The following NRG1 variants were observed in gnomAD, a reference collection of about 807,000 sequenced individuals.
The protein encoded by NRG1 is pro-neuregulin-1, membrane-bound isoform.
In NRG1, 18 loss-of-function variants were observed where a neutral mutation model predicts 63.8. The ratio of observed to expected loss-of-function variants is 0.28; its 90% CI spans 0.19 to 0.42. The LOEUF is 0.42. NRG1 is among the 10% of genes least tolerant of loss of function. The pLI, the probability that NRG1 is intolerant of heterozygous loss-of-function variation, is 1.00. For synonymous variants in NRG1, 302 were observed against 301.3 expected, an observed-to-expected ratio of 1.00 and a Z score of -0.02; for missense variants, 762 against 814.7, an observed-to-expected ratio of 0.94 and a Z score of 0.79.
chr8:32,305,942 AT>A (rs1373497679), intron 1 of NRG1, among the ~76,000 whole-genome samples: 1 of 152,186 alleles, frequency 6.6e-6, no homozygotes, highest in Non-Finnish European at 1.5e-5. Flanking sequence ...TTGGCAAATT[AT>A]TTTACTTCTC....
intron 1 of NRG1, among the ~76,000 whole-genome samples, chr8:31,695,743 C>A (rs1235966674): frequency 6.6e-6 from 1 of 152,180 alleles, no homozygotes; most frequent in Admixed American, 6.5e-5. Flanking sequence ...ACTATTTTAT[C>A]TTCCTTAAAG....
chr8:32,529,540 C>T (rs1235070092), intron 1 of NRG1, among the ~76,000 whole-genome samples: 2 of 152,154 alleles, frequency 1.3e-5, no homozygotes, highest in African/African-American at 4.8e-5. Flanking sequence ...AACACAGACA[C>T]ATTGTACAGC....
At chr8:32,335,547 A>G (rs1803159030) in intron 1 of NRG1, among the ~76,000 whole-genome samples, 1 of 152,198 alleles carries the variant, frequency 6.6e-6, no homozygotes, top group Non-Finnish European at 1.5e-5. Flanking sequence ...CCTGAAGGCC[A>G]CAAAGAAGAC....
At chr8:32,139,468 A>G (rs533340072) in intron 1 of NRG1, 4 of 152,314 alleles carry the variant, frequency 2.6e-5, no homozygotes, top group Admixed American at 6.5e-5. Flanking sequence ...ATAAAATGAG[A>G]TATTAGGAAC....
At chr8:32,226,881 G>A (rs894267513) in intron 1 of NRG1, among the ~76,000 whole-genome samples, 1 of 152,146 alleles carries the variant, frequency 6.6e-6, no homozygotes, top group Non-Finnish European at 1.5e-5. Context: ...CAATAACTCA[G>A]CTCACTGCTG....
chr8:31,764,734 C>A (rs1419984430), intron 1 of NRG1, among the ~76,000 whole-genome samples: 2 of 152,014 alleles, frequency 1.3e-5, no homozygotes, highest in Non-Finnish European at 2.9e-5. Context: ...TTACTTACAT[C>A]TTCTTTGATT....
At chr8:32,221,068 C>G (rs948911446) in intron 1 of NRG1, 1 of 152,014 alleles carries the variant, frequency 6.6e-6, no homozygotes, top group Non-Finnish European at 1.5e-5. Context: ...GAGTTTTAAC[C>G]TACACTCAAT....
chr8:31,898,758 A>G (rs1831815178), intron 1 of NRG1, among the ~76,000 whole-genome samples: 1 of 152,232 alleles, frequency 6.6e-6, no homozygotes, highest in African/African-American at 2.4e-5. Context: ...TTGTCTCATG[A>G]CAGGTAAAGA....
intron 1 of NRG1, among the ~76,000 whole-genome samples, chr8:31,932,245 G>T (rs1402129939): frequency 3.9e-5 from 6 of 152,158 alleles, no homozygotes; most frequent in Non-Finnish European, 8.8e-5. Flanking sequence ...GGCATATTTT[G>T]CTGTGAGCAG....
At chr8:31,669,113 T>TG (rs1806841494) in intron 1 of NRG1, among the ~76,000 whole-genome samples, 1 of 152,104 alleles carries the variant, frequency 6.6e-6, no homozygotes, top group African/African-American at 2.4e-5. Context: ...TGGAGTGTAG[T>TG]GGTGCGGTCA....
At chr8:31,659,272 C>T (rs1805730762) in intron 1 of NRG1, among the ~76,000 whole-genome samples, 2 of 151,710 alleles carry the variant, frequency 1.3e-5, no homozygotes, top group African/African-American at 2.4e-5. Context: ...ACAAGAGGAG[C>T]GAGATGGAGA....
chr8:31,710,888 A>G (rs1811672276), intron 1 of NRG1, among the ~76,000 whole-genome samples: 1 of 151,934 alleles, frequency 6.6e-6, no homozygotes, highest in South Asian at 2.1e-4. Flanking sequence ...TGTTTGCTTT[A>G]TGTTCTTTAA....
At chr8:32,715,735 T>G (rs2128992369) in intron 5 of NRG1, among the ~76,000 whole-genome samples, 1 of 151,966 alleles carries the variant, frequency 6.6e-6, no homozygotes, top group East Asian at 1.9e-4. Context: ...GCCTCCCTGG[T>G]TCAAGTGATT....
chr8:32,024,996 A>G (rs1817023943), intron 1 of NRG1, among the ~76,000 whole-genome samples: 1 of 152,224 alleles, frequency 6.6e-6, no homozygotes, highest in Non-Finnish European at 1.5e-5. Flanking sequence ...TCTAGAAGGA[A>G]GAGTACACAA....
chr8:31,916,000 A>C (rs11786271), intron 1 of NRG1, among the ~76,000 whole-genome samples: 4,148 of 152,242 alleles, frequency 0.027, 77 homozygotes, highest in Non-Finnish European at 0.04. Flanking sequence ...ACTTACTTCC[A>C]GCACATTTCA....
At chr8:32,407,530 A>C (rs1443979284) in intron 1 of NRG1, among the ~76,000 whole-genome samples, 1 of 152,030 alleles carries the variant, frequency 6.6e-6, no homozygotes, top group Non-Finnish European at 1.5e-5. Flanking sequence ...ACATCAATTG[A>C]TTGAAGGCTG....
intron 5 of NRG1, among the ~76,000 whole-genome samples, chr8:32,644,560 A>G (rs1853091276): frequency 6.6e-6 from 1 of 152,138 alleles, no homozygotes; most frequent in African/African-American, 2.4e-5. Context: ...TTGGCGGAAA[A>G]AAAGCAATGT....
chr8:32,489,872 T>C (rs915699076), intron 1 of NRG1, among the ~76,000 whole-genome samples: 4 of 152,210 alleles, frequency 2.6e-5, no homozygotes, highest in Non-Finnish European at 5.9e-5. Flanking sequence ...ATTGAAAGAC[T>C]CCTCGGTCCT....
At chr8:32,573,434 C>T (rs147898711) in intron 1 of NRG1, among the ~76,000 whole-genome samples, 95 of 152,304 alleles carry the variant, frequency 6.2e-4, no homozygotes, top group African/African-American at 2.2e-3. Context: ...TTTTGCTGAC[C>T]TCTGCTCTAT....
Sources: gnomAD v4.1 joint callset for allele counts (sites outside exome capture counted in the v4.1 genomes callset) on GRCh38, gnomAD v4.1.1 for gene constraint, MANE v1.5 for transcripts, NCBI Gene and HGNC (gene_info 2026-07-23, HGNC 2026-07-21) for gene names.